The following PKN2 variants were observed in gnomAD, a reference collection of about 807,000 sequenced individuals.
PKN2 encodes the protein protein kinase N2.
A neutral mutation model predicts 119.1 loss-of-function variants in PKN2; 38 were observed. The observed-to-expected ratio is 0.32, with a 90% CI of 0.25 to 0.42. The LOEUF (loss-of-function observed/expected upper bound fraction) is 0.42. Among genes scored for constraint, PKN2 ranks in the 10% least tolerant of loss-of-function variants. The pLI is 1.00. For missense variants in PKN2, 850 were observed against 1,165.1 expected (o/e 0.73, Z 3.94); for synonymous variants, 390 against 384.9 (o/e 1.01, Z -0.15).
At chr1:88,720,827 G>A (rs113893208) in intron 1 of PKN2, among the ~76,000 whole-genome samples, 6,151 of 152,070 alleles carry the variant, frequency 0.04, 281 homozygotes, top group African/African-American at 0.1. Flanking sequence ...TCATTCTTAC[G>A]CCTTTGCATC....
intron 17 of PKN2, 65 bp downstream of exon 17, chr1:88,822,068 T>C: frequency 7.6e-7 from 1 of 1,321,296 alleles, no homozygotes; most frequent in Non-Finnish European, 1.0e-6. Flanking sequence ...AAGATAGTAT[T>C]TTGTTTTTCT....
intron 16 of PKN2, chr1:88,816,681 AT>A (rs1672009321): frequency 6.6e-6 from 1 of 151,994 alleles, no homozygotes; most frequent in Non-Finnish European, 1.5e-5. Context: ...TTTGTTTTTT[AT>A]TTCTGTGTTG....
intron 1 of PKN2, among the ~76,000 whole-genome samples, chr1:88,698,042 C>G (rs1225522526): frequency 6.6e-6 from 1 of 152,078 alleles, no homozygotes; most frequent in Non-Finnish European, 1.5e-5. Flanking sequence ...CCCCTTTAGC[C>G]CTTTAGTCCT....
chr1:88,771,986 A>G, intron 6 of PKN2, 107 bp downstream of exon 6: 1 of 686,658 alleles, frequency 1.5e-6, no homozygotes, highest in Admixed American at 3.0e-5. Flanking sequence ...AATTATGATA[A>G]GATACACATA....
chr1:88,815,208 A>T (rs1671936155), intron 16 of PKN2, among the ~76,000 whole-genome samples: 2 of 152,170 alleles, frequency 1.3e-5, no homozygotes, highest in Non-Finnish European at 2.9e-5. Context: ...TGCCTTAAGA[A>T]ACTGTTATTT....
intron 2 of PKN2, among the ~76,000 whole-genome samples, chr1:88,756,676 T>C (rs1184149540): frequency 6.6e-6 from 1 of 152,222 alleles, no homozygotes; most frequent in Non-Finnish European, 1.5e-5. Context: ...TGATATCATT[T>C]ATCCAAAAAG....
chr1:88,729,891 A>G (rs958061251), intron 1 of PKN2, among the ~76,000 whole-genome samples: 1 of 152,088 alleles, frequency 6.6e-6, no homozygotes, highest in Non-Finnish European at 1.5e-5. Context: ...CTGAGTTTCC[A>G]TTTCATTCAA....
At position 88,813,599 on chromosome 1, in the gene PKN2, A is replaced by G. The variant is rs1451874961; in HGVS notation, c.2145A>G (p.Val715=). 1.2e-6 allele frequency: 2 copies of G among 1,608,374 alleles called. No individual in the cohort carries two copies. The highest frequency in any genetic ancestry group is 1.7e-5 in the Admixed American group (1 of 58,866). Residue 715 remains valine, a synonymous_variant, in exon 16 of 22, where the codon GTA becomes GTG. Coordinates refer to ENST00000370521, the MANE Select transcript of PKN2 (RefSeq NM_006256.4). ...EKRIFETVNS[V]RHPFLVNLFA... is the part of the protein sequence containing the mutation. ...GAATTTTTGAAACTGTGAATAGTGTAAGGCATCCCTTTTTGGTGAACCTTT... is the reference window on the plus strand; with the variant it reads ...GAATTTTTGAAACTGTGAATAGTGTGAGGCATCCCTTTTTGGTGAACCTTT...
At chr1:88,782,669 T>A (rs992728654) in intron 6 of PKN2, among the ~76,000 whole-genome samples, 1 of 152,124 alleles carries the variant, frequency 6.6e-6, no homozygotes, top group African/African-American at 2.4e-5. Flanking sequence ...CACTAGAAAT[T>A]TGGTTTAAGT....
chr1:88,708,538 A>T (rs149236611), intron 1 of PKN2, among the ~76,000 whole-genome samples: 1 of 152,068 alleles, frequency 6.6e-6, no homozygotes, highest in South Asian at 2.1e-4. Flanking sequence ...ATTATATTCA[A>T]CATAATGTAG....
chr1:88,697,208 G>GTC (rs1666574209), intron 1 of PKN2, among the ~76,000 whole-genome samples: 1 of 152,078 alleles, frequency 6.6e-6, no homozygotes, highest in South Asian at 2.1e-4. Flanking sequence ...ATTGTTACAT[G>GTC]TCTCTACTAC....
intron 8 of PKN2, 27 bp downstream of exon 8, chr1:88,786,240 T>C (rs774778465): frequency 9.0e-7 from 1 of 1,115,108 alleles, no homozygotes; most frequent in South Asian, 1.3e-5. Context: ...TTTACTTGAA[T>C]TTTAATTATA....
chr1:88,835,511 ATT>A lies in PKN2; in HGVS notation c.*2065_*2066del, dbSNP rs1553160816. 6.6e-6 allele frequency: 1 copy of A among 152,424 alleles called. No individual in the cohort carries two copies. The highest frequency in any genetic ancestry group is 1.5e-5 in the Non-Finnish European group (1 of 67,922). The allele number at this position is 152,424 out of a possible 1,614,324, so 9.4% of individuals were successfully genotyped here. On this transcript the variant is annotated 3_prime_UTR_variant, in exon 22 of 22. Transcript: ENST00000370521. The stretch of plus-strand genomic sequence containing the variant: ...CTAAAAAAATTAGAAGGCAGGGTCT[ATT>A]TACACAATTAAGCTGAAGAAAGCAC...
At chr1:88,688,552 C>T (rs1295956634) in intron 1 of PKN2, among the ~76,000 whole-genome samples, 2 of 152,214 alleles carry the variant, frequency 1.3e-5, no homozygotes, top group African/African-American at 2.4e-5. Context: ...ATGATTTCTA[C>T]ATTCCACTTG....
At chr1:88,725,247 G>C (rs1302721407) in intron 1 of PKN2, among the ~76,000 whole-genome samples, 2 of 152,016 alleles carry the variant, frequency 1.3e-5, no homozygotes, top group African/African-American at 4.8e-5. Flanking sequence ...GAGTGTAATT[G>C]CTAGGTCATG....
chr1:88,713,153 C>CT (rs1398365631), intron 1 of PKN2, among the ~76,000 whole-genome samples: 1 of 152,128 alleles, frequency 6.6e-6, no homozygotes, highest in Non-Finnish European at 1.5e-5. Flanking sequence ...ATGTGCCACA[C>CT]TTTCTTAATC....
Position 88,757,206 on chromosome 1 carries a change from G to T in PKN2, c.350-3016G>T, listed in dbSNP as rs370057774. Reference sequence around the variant, plus strand: ...CCTGTTTCCTGATATGTAAAGTATGGATAATATCTGTCTCAAAAGGTTATT... The same window carrying T: ...CCTGTTTCCTGATATGTAAAGTATGTATAATATCTGTCTCAAAAGGTTATT... On this transcript the variant is annotated intron_variant, in intron 2 of 21. Transcript: ENST00000370521. 3.9e-5 allele frequency among the ~76,000 whole-genome samples: 6 copies of T among 152,244 alleles called. No individual in the cohort carries two copies. The East Asian group carries it at 1.2e-3, about 29-fold the overall frequency.
rs191746831 is a variant in PKN2, at chr1:88,799,842, C to G, written c.1282-4549C>G. 5.9e-5 allele frequency among the ~76,000 whole-genome samples: 9 copies of G among 152,288 alleles called. No individual in the cohort carries two copies. The East Asian group carries it at 1.5e-3, about 26-fold the overall frequency. On this transcript the variant is annotated intron_variant, in intron 8 of 21. Transcript: ENST00000370521. ...CCATAAGTAGCCAATTTAAAAAACT[C>G]TCTTTAGTTAAACTCTTTCAGTGTA... is the stretch of plus-strand genomic sequence containing the variant.
intron 17 of PKN2, 72 bp downstream of exon 17, chr1:88,822,075 T>C: frequency 3.1e-6 from 4 of 1,291,190 alleles, no homozygotes; most frequent in Non-Finnish European, 3.1e-6. Context: ...TATTTTGTTT[T>C]TCTTAAACAT....
Sources: gnomAD v4.1 joint callset for allele counts (sites outside exome capture counted in the v4.1 genomes callset) on GRCh38, gnomAD v4.1.1 for gene constraint, MANE v1.5 for transcripts, NCBI Gene and HGNC (gene_info 2026-07-23, HGNC 2026-07-21) for gene names.